ATG10: variants seen among roughly 807,000 people sequenced by gnomAD.
ATG10 encodes the protein ubiquitin-like-conjugating enzyme ATG10.
A neutral mutation model predicts 32.1 loss-of-function variants in ATG10; 30 were observed. That is an observed-to-expected ratio of 0.94 (90% CI 0.70 to 1.27). The LOEUF (loss-of-function observed/expected upper bound fraction) is 1.27, where lower values mean the gene tolerates loss of function less well. ATG10 is among the 50% of genes most tolerant of loss of function. The pLI is 0.00. For missense variants in ATG10, 233 were observed against 262.3 expected (o/e 0.89, Z 0.77); for synonymous variants, 87 against 91.5 (o/e 0.95, Z 0.28).
At chr5:82,033,759 CATAT>C (rs1561264959) in intron 2 of ATG10, among the ~76,000 whole-genome samples, 3 of 140,242 alleles carry the variant, frequency 2.1e-5, no homozygotes, top group Non-Finnish European at 3.1e-5. Context: ...CACACACACA[CATAT>C]GTGTGTATAT....
At chr5:82,234,306 T>C (rs769611541) in intron 5 of ATG10, among the ~76,000 whole-genome samples, 8 of 152,178 alleles carry the variant, frequency 5.3e-5, no homozygotes, top group Admixed American at 1.3e-4. Flanking sequence ...AAGTAGCATA[T>C]TGGGGGAGAG....
intron 3 of ATG10, among the ~76,000 whole-genome samples, chr5:82,129,417 G>C (rs1335638299): frequency 6.6e-6 from 1 of 151,944 alleles, no homozygotes; most frequent in Non-Finnish European, 1.5e-5. Context: ...TGGAGGAGAA[G>C]AGGCATTCTG....
At chr5:82,139,264 C>T (rs1005078211) in intron 3 of ATG10, among the ~76,000 whole-genome samples, 1 of 149,394 alleles carries the variant, frequency 6.7e-6, no homozygotes, top group Admixed American at 6.6e-5. Context: ...GGGCCACCAC[C>T]CCGTCTGGGA....
chr5:82,109,061 G>C (rs1480192121), intron 3 of ATG10, among the ~76,000 whole-genome samples: 1 of 152,068 alleles, frequency 6.6e-6, no homozygotes. Context: ...AGACTAAGAA[G>C]AGAAATGAAA....
intron 3 of ATG10, 98 bp from the exon 4 acceptor site, chr5:82,164,301 C>A: frequency 8.3e-7 from 1 of 1,209,794 alleles, no homozygotes. Context: ...ATTTATTTAA[C>A]TGTTATTTTG....
chr5:82,123,528 A>G (rs1766131099), intron 3 of ATG10, among the ~76,000 whole-genome samples: 1 of 152,114 alleles, frequency 6.6e-6, no homozygotes, highest in East Asian at 1.9e-4. Flanking sequence ...TAAAAGTAAA[A>G]AAAAAAAAAG....
rs373171917 is a variant in ATG10, at chr5:82,243,613, A to T, written c.454-8949A>T. On this transcript the variant is annotated intron_variant, in intron 5 of 7. Coordinates refer to ENST00000282185, the MANE Select transcript of ATG10 (RefSeq NM_031482.5). ...ATTAAAGTTTCAGTTCTCTAAGAAG[A>T]TATACTTCTATGCATTTAAATATCA... Among the ~76,000 whole-genome samples, 120 of 152,280 alleles carry T rather than the reference A, an allele frequency of 7.9e-4. 2 individuals carry two copies. The highest frequency in any genetic ancestry group is 2.8e-3 in the African/African-American group (115 of 41,584).
intron 2 of ATG10, among the ~76,000 whole-genome samples, chr5:82,003,914 C>A (rs888226962): frequency 6.6e-6 from 1 of 152,114 alleles, no homozygotes; most frequent in East Asian, 1.9e-4. Flanking sequence ...CCAAGGCAGG[C>A]GGATCACTTG....
intron 3 of ATG10, among the ~76,000 whole-genome samples, chr5:82,139,759 A>G: frequency 3.9e-5 from 4 of 101,292 alleles, no homozygotes; most frequent in South Asian, 3.9e-4. Flanking sequence ...CCGGGAGGCG[A>G]GGGGCGCCTC....
At chr5:82,227,978 G>C (rs1380777945) in intron 5 of ATG10, among the ~76,000 whole-genome samples, 1 of 152,132 alleles carries the variant, frequency 6.6e-6, no homozygotes, top group Non-Finnish European at 1.5e-5. Flanking sequence ...TACCAAGGTA[G>C]GTGGATTGCT....
chr5:82,189,597 T>A (rs1032925011), intron 5 of ATG10, among the ~76,000 whole-genome samples: 1 of 152,140 alleles, frequency 6.6e-6, no homozygotes, highest in Non-Finnish European at 1.5e-5. Context: ...ATTTTAAGTG[T>A]TTTGAAATGT....
intron 3 of ATG10, chr5:82,073,422 A>T (rs747269066): frequency 6.6e-6 from 1 of 152,192 alleles, no homozygotes; most frequent in African/African-American, 2.4e-5. Flanking sequence ...TGGGTCTGCC[A>T]GGGGCTTTGT....
At chr5:82,035,951 G>T (rs1407081121) in intron 2 of ATG10, among the ~76,000 whole-genome samples, 2 of 151,856 alleles carry the variant, frequency 1.3e-5, no homozygotes, top group Admixed American at 6.6e-5. Context: ...TTGCTCAGTG[G>T]CTTTGGGTTG....
At chr5:82,010,038 C>T (rs1013213118) in intron 2 of ATG10, 187 of 1,610,760 alleles carry the variant, frequency 1.2e-4, no homozygotes, top group Non-Finnish European at 1.5e-4. Context: ...AAAGGAGACG[C>T]GGCCCAAGGG....
chr5:81,972,771 C>A (rs1355980041), intron 1 of ATG10, among the ~76,000 whole-genome samples: 1 of 151,456 alleles, frequency 6.6e-6, no homozygotes, highest in Non-Finnish European at 1.5e-5. Flanking sequence ...TTTTTTTAAA[C>A]CTCCCAAAAA....
chr5:82,054,085 G>T (rs902913313), intron 2 of ATG10, among the ~76,000 whole-genome samples: 1 of 152,134 alleles, frequency 6.6e-6, no homozygotes. Context: ...TCAAAAGAGG[G>T]TCTCCAAGGA....
At chr5:81,983,139 G>A (rs1761110048) in intron 1 of ATG10, among the ~76,000 whole-genome samples, 1 of 151,722 alleles carries the variant, frequency 6.6e-6, no homozygotes, top group Non-Finnish European at 1.5e-5. Flanking sequence ...GCCGGACAGA[G>A]GTGCCCCTCA....
chr5:82,027,218 G>A (rs1186849538), intron 2 of ATG10, among the ~76,000 whole-genome samples: 2 of 152,066 alleles, frequency 1.3e-5, no homozygotes, highest in Non-Finnish European at 1.5e-5. Context: ...GGGCAACGTA[G>A]TGTGACCTCT....
At chr5:82,118,104 G>A (rs1765879642) in intron 3 of ATG10, among the ~76,000 whole-genome samples, 1 of 151,762 alleles carries the variant, frequency 6.6e-6, no homozygotes, top group Non-Finnish European at 1.5e-5. Flanking sequence ...AGAATAGGGA[G>A]CTAATTGGAA....
Sources: allele counts gnomAD v4.1 joint callset (sites outside exome capture counted in the v4.1 genomes callset), GRCh38; gene constraint gnomAD v4.1.1; transcripts MANE v1.5; gene names NCBI Gene and HGNC (gene_info 2026-07-23, HGNC 2026-07-21).